The following CLCA4 variants were observed in gnomAD, a reference collection of about 807,000 sequenced individuals.
CLCA4 encodes the protein calcium-activated chloride channel regulator 4.
CLCA4 carries 69 observed loss-of-function variants against 78.9 expected under a neutral mutation model. That is an observed-to-expected ratio of 0.87 (90% confidence interval 0.72 to 1.07). The LOEUF (loss-of-function observed/expected upper bound fraction) is 1.07. Among genes scored for constraint, CLCA4 ranks in the 50% least tolerant of loss-of-function variants. The pLI, the probability that CLCA4 is intolerant of heterozygous loss-of-function variation, is 0.00. For missense variants in CLCA4, 1,133 were observed against 1,095.8 expected (o/e 1.03, Z -0.48); for synonymous variants, 362 against 375.8 (o/e 0.96, Z 0.42).
Position 86,580,412 on chromosome 1 carries a change from G to GA in CLCA4, c.*67_*68insA. On this transcript the variant is annotated 3_prime_UTR_variant, in exon 14 of 14. Transcript: ENST00000370563. ...AGTTTTAAAAAACAAAACAATGTAA[G>GA]TAAAGGATATTTCTGAATCTTAAAA... The GA allele has an allele frequency of 4.1e-6, 5 of 1,224,886 alleles. No individual in the cohort carries two copies. Among genetic ancestry groups the GA allele is most frequent in the Non-Finnish European group, 5.5e-6 (5 of 905,812 alleles). 75.9% of individuals were successfully genotyped at this position (1,224,886 alleles called of 1,614,324 possible).
chr1:86,575,864 G>A (rs773071326), intron 11 of CLCA4, among the ~76,000 whole-genome samples: 2 of 152,086 alleles, frequency 1.3e-5, no homozygotes, highest in Non-Finnish European at 2.9e-5. Context: ...GCCAAGGTGG[G>A]CAGATCACTT....
At chr1:86,560,507 C>T in intron 3 of CLCA4, 149 bp downstream of exon 3, 1 of 725,404 alleles carries the variant, frequency 1.4e-6, no homozygotes, top group South Asian at 2.1e-5. Context: ...AAACAAGTGA[C>T]CTACTGTCTC....
chr1:86,554,629 T>C (rs1462690336), intron 1 of CLCA4, among the ~76,000 whole-genome samples: 1 of 152,222 alleles, frequency 6.6e-6, no homozygotes, highest in African/African-American at 2.4e-5. Context: ...ATGTCTTTGC[T>C]ATTGTGAATA....
chr1:86,577,821 T>G, intron 11 of CLCA4, 81 bp from the exon 12 acceptor site: 1 of 1,089,076 alleles, frequency 9.2e-7, no homozygotes, highest in Non-Finnish European at 1.3e-6. Flanking sequence ...CTAGAGGATA[T>G]GCTTGTAGAG....
At chr1:86,550,956 C>T (rs1649639606) in intron 1 of CLCA4, among the ~76,000 whole-genome samples, 1 of 151,340 alleles carries the variant, frequency 6.6e-6, no homozygotes, top group Admixed American at 6.6e-5. Flanking sequence ...CTCAGCCTCC[C>T]GAGTGGCTGG....
At chr1:86,571,737 G>A (rs1316381446) in intron 8 of CLCA4, among the ~76,000 whole-genome samples, 1 of 151,908 alleles carries the variant, frequency 6.6e-6, no homozygotes, top group Non-Finnish European at 1.5e-5. Context: ...TTGTGGGGTG[G>A]GTGTATGTGA....
In CLCA4 at chr1:86,567,612, A is replaced by G. The variant is rs1366137817; in HGVS notation, c.1143A>G (p.Gly381=). The G allele has an allele frequency of 6.2e-7, 1 of 1,612,822 alleles. No homozygotes were observed. The highest frequency in any genetic ancestry group is 1.7e-5 in the Admixed American group (1 of 59,894). ...CAGGATTACCTACATATCCTCTGGGAGGAACTTCCATCTGCTCTGGAATTA... is the reference window on the plus strand; with the variant it reads ...CAGGATTACCTACATATCCTCTGGGGGGAACTTCCATCTGCTCTGGAATTA... ...LMAGLPTYPL[G]GTSICSGIKY... Residue 381 remains glycine, a synonymous_variant, in exon 7 of 14, where the codon GGA becomes GGG. Transcript: ENST00000370563.
chr1:86,566,675 A>C (rs1274522685), intron 6 of CLCA4, among the ~76,000 whole-genome samples: 5 of 152,026 alleles, frequency 3.3e-5, no homozygotes, highest in Admixed American at 3.3e-4. Context: ...AAGATGTAGA[A>C]GTTTCTCATT....
intron 11 of CLCA4, among the ~76,000 whole-genome samples, chr1:86,576,673 G>A (rs1431202832): frequency 6.6e-6 from 1 of 152,028 alleles, no homozygotes; most frequent in South Asian, 2.1e-4. Context: ...AAGAAAGCAG[G>A]AGTAATCCTC....
intron 4 of CLCA4, among the ~76,000 whole-genome samples, chr1:86,564,802 T>G (rs184307329): frequency 6.6e-6 from 1 of 152,274 alleles, no homozygotes; most frequent in Admixed American, 6.5e-5. Flanking sequence ...CACATTTCCC[T>G]TTGGATAAAA....
intron 9 of CLCA4, among the ~76,000 whole-genome samples, chr1:86,573,846 C>T (rs1437004219): frequency 2.6e-5 from 4 of 151,964 alleles, no homozygotes; most frequent in African/African-American, 9.7e-5. Context: ...ATGGTAGGAA[C>T]ACCAAGAAAC....
intron 1 of CLCA4, among the ~76,000 whole-genome samples, chr1:86,550,905 C>T (rs1346644735): frequency 5.4e-5 from 8 of 148,712 alleles, no homozygotes; most frequent in African/African-American, 2.0e-4. Flanking sequence ...GATCTTGGCT[C>T]ACTGCAAGCT....
At chr1:86,579,219 T>A in intron 12 of CLCA4, 135 bp from the exon 13 acceptor site, 1 of 680,998 alleles carries the variant, frequency 1.5e-6, no homozygotes, top group Non-Finnish European at 2.5e-6. Flanking sequence ...GCGCTTATGA[T>A]TGTCACAAAA....
intron 7 of CLCA4, among the ~76,000 whole-genome samples, chr1:86,569,157 A>C (rs566009108): frequency 3.9e-5 from 6 of 152,196 alleles, no homozygotes; most frequent in Non-Finnish European, 5.9e-5. Flanking sequence ...GATTATGTAG[A>C]TAGTGTTGTG....
intron 1 of CLCA4, among the ~76,000 whole-genome samples, chr1:86,556,995 G>T (rs115093984): frequency 6.6e-6 from 1 of 152,102 alleles, no homozygotes; most frequent in Non-Finnish European, 1.5e-5. Flanking sequence ...GGTGTTCATA[G>T]TAGTTTCTGA....
At chr1:86,574,486 A>C (rs957308117) in intron 9 of CLCA4, 54 bp from the exon 10 acceptor site, 22 of 1,436,578 alleles carry the variant, frequency 1.5e-5, no homozygotes, top group African/African-American at 9.9e-5. Flanking sequence ...ATCTTGAAAA[A>C]AGAATAAAAT....
At chr1:86,559,355 T>G (rs1398131742) in intron 1 of CLCA4, among the ~76,000 whole-genome samples, 1 of 152,150 alleles carries the variant, frequency 6.6e-6, no homozygotes, top group Non-Finnish European at 1.5e-5. Flanking sequence ...AAGGTTGGGA[T>G]GAGAAACCTC....
chr1:86,580,421 A>G lies in CLCA4; in HGVS notation c.*76A>G. 8.6e-7 allele frequency: 1 copy of G among 1,159,664 alleles called. No individual in the cohort carries two copies. The highest frequency in any genetic ancestry group is 1.2e-6 in the Non-Finnish European group (1 of 855,674). 71.8% of individuals were successfully genotyped at this position (1,159,664 alleles called of 1,614,324 possible). A position where few individuals can be genotyped will look rare whatever the true frequency, so the allele number is the denominator to read the frequency against. On this transcript the variant is annotated 3_prime_UTR_variant, in exon 14 of 14. Transcript: ENST00000370563. ...AAACAAAACAATGTAAGTAAAGGAT[A>G]TTTCTGAATCTTAAAATTCATCCCA...
chr1:86,565,795 C>T lies in CLCA4; in HGVS notation c.736-7C>T. 5.4e-6 allele frequency: 8 copies of T among 1,472,848 alleles called. No individual in the cohort carries two copies. Among genetic ancestry groups the T allele is most frequent in the South Asian group, 2.9e-5 (2 of 70,008 alleles). The allele number at this position is 1,472,848 out of a possible 1,614,324, so 91.2% of individuals were successfully genotyped here. On this transcript the variant is annotated splice_polypyrimidine_tract_variant and splice_region_variant and intron_variant, in intron 5 of 13. Coordinates refer to ENST00000370563, the MANE Select transcript of CLCA4 (RefSeq NM_012128.4). ...TAAAATTATTTTTTATTTTATTAAC[C>T]TTTTAGGTTGTTGAATTTTGTAACG...
Sources: allele counts gnomAD v4.1 joint callset (sites outside exome capture counted in the v4.1 genomes callset), GRCh38; gene constraint gnomAD v4.1.1; transcripts MANE v1.5; gene names NCBI Gene and HGNC (gene_info 2026-07-23, HGNC 2026-07-21).